The following CFAP300 variants were observed in gnomAD, a reference collection of about 807,000 sequenced individuals.
The protein encoded by CFAP300 is cilia- and flagella-associated protein 300.
Under a neutral mutation model 33.0 loss-of-function variants are expected in CFAP300, and 32 were observed. The ratio of observed to expected loss-of-function variants is 0.97; its 90% CI spans 0.73 to 1.30. The LOEUF (loss-of-function observed/expected upper bound fraction) is 1.30. CFAP300 is among the 50% of genes most tolerant of loss of function. CFAP300 has a pLI of 0.00. For missense variants in CFAP300, 356 were observed against 318.1 expected, an observed-to-expected ratio of 1.12 and a Z score of -0.90; for synonymous variants, 102 against 106.8, an observed-to-expected ratio of 0.95 and a Z score of 0.28.
intron 4 of CFAP300, 108 bp from the exon 5 acceptor site, chr11:102,075,765 T>A (rs1224975138): frequency 1.2e-6 from 1 of 817,014 alleles, no homozygotes; most frequent in African/African-American, 1.7e-5. Context: ...TCAAGATTGG[T>A]TCTTAAAATA....
At chr11:102,072,179 C>T (rs1942322602) in intron 4 of CFAP300, among the ~76,000 whole-genome samples, 1 of 151,314 alleles carries the variant, frequency 6.6e-6, no homozygotes, top group Non-Finnish European at 1.5e-5. Context: ...CATTCTTTTT[C>T]TCTTTTTTTT....
intron 4 of CFAP300, among the ~76,000 whole-genome samples, chr11:102,073,603 C>T (rs1942349134): frequency 6.6e-6 from 1 of 152,160 alleles, no homozygotes; most frequent in African/African-American, 2.4e-5. Context: ...GAAAGCTCAT[C>T]CTGAGGGCAT....
At chr11:102,071,206 A>G (rs1199550753) in intron 4 of CFAP300, among the ~76,000 whole-genome samples, 2 of 152,126 alleles carry the variant, frequency 1.3e-5, no homozygotes, top group African/African-American at 4.8e-5. Context: ...TTATATATTT[A>G]TGTCTGCTGG....
intron 4 of CFAP300, among the ~76,000 whole-genome samples, chr11:102,070,668 A>T (rs2135039657): frequency 6.6e-6 from 1 of 152,002 alleles, no homozygotes; most frequent in Non-Finnish European, 1.5e-5. Flanking sequence ...TACTTTTTTG[A>T]TGTAGGCATT....
In CFAP300 at chr11:102,072,351, C is replaced by A. The variant is rs565155715; in HGVS notation, c.436-3522C>A. Among the ~76,000 whole-genome samples the A allele has an allele frequency of 2.0e-5, 3 of 152,084 alleles. No individual in the cohort carries two copies. The South Asian group carries it at 6.2e-4, about 32-fold the overall frequency. ...TTTGGTGCTTTTTAATGATATCCAT[C>A]TTTTTGGTGAATTTCTCATTCATAT... On this transcript the variant is annotated intron_variant, in intron 4 of 6. Transcript: ENST00000434758.
intron 5 of CFAP300, among the ~76,000 whole-genome samples, chr11:102,079,572 TAC>T (rs1366277997): frequency 6.6e-6 from 1 of 152,160 alleles, no homozygotes; most frequent in Non-Finnish European, 1.5e-5. Context: ...CAACCATACA[TAC>T]ACACACACCG....
intron 3 of CFAP300, among the ~76,000 whole-genome samples, chr11:102,062,975 C>T (rs576386038): frequency 2.0e-4 from 30 of 152,196 alleles, no homozygotes; most frequent in Non-Finnish European, 3.4e-4. Context: ...TGTGAACATG[C>T]GCTATTCTTC....
chr11:102,078,743 C>G (rs1419869715), intron 5 of CFAP300, among the ~76,000 whole-genome samples: 1 of 152,208 alleles, frequency 6.6e-6, no homozygotes, highest in African/African-American at 2.4e-5. Context: ...GAGTCTCACT[C>G]TATCGCCCAG....
chr11:102,075,331 G>T (rs916630487), intron 4 of CFAP300, among the ~76,000 whole-genome samples: 10 of 152,154 alleles, frequency 6.6e-5, no homozygotes, highest in African/African-American at 2.4e-4. Flanking sequence ...AATAGGTGAT[G>T]TGTGAAGTGA....
chr11:102,079,148 T>C (rs993889977), intron 5 of CFAP300, among the ~76,000 whole-genome samples: 1 of 152,242 alleles, frequency 6.6e-6, no homozygotes, highest in Non-Finnish European at 1.5e-5. Context: ...ATAATTTATG[T>C]ATAGTAAAAT....
In CFAP300 at chr11:102,050,882, T is replaced by C. The variant is rs1057494511; in HGVS notation, c.192+2986T>C. Among the ~76,000 whole-genome samples the C allele has an allele frequency of 6.6e-5, 10 of 152,174 alleles. No homozygotes were observed. In the East Asian group the frequency reaches 9.6e-4, roughly 15 times the overall value. On this transcript the variant is annotated intron_variant, in intron 2 of 6. Coordinates refer to ENST00000434758, the MANE Select transcript of CFAP300 (RefSeq NM_032930.3). ...GAAGGAGAAGTTTTTAAGACAGACTTTAAATGTTAAAATATTGAGATCACC... is the reference window on the plus strand; with the variant it reads ...GAAGGAGAAGTTTTTAAGACAGACTCTAAATGTTAAAATATTGAGATCACC...
At chr11:102,057,602 G>C (rs1264958123) in intron 2 of CFAP300, among the ~76,000 whole-genome samples, 1 of 152,140 alleles carries the variant, frequency 6.6e-6, no homozygotes, top group African/African-American at 2.4e-5. Flanking sequence ...CATGCAATTT[G>C]GGAGTAACTT....
chr11:102,081,542 G>T, intron 6 of CFAP300: 1 of 530,554 alleles, frequency 1.9e-6, no homozygotes, highest in Non-Finnish European at 3.3e-6. Flanking sequence ...GACTCAGATA[G>T]AGTAGAACAC....
chr11:102,080,810 T>C (rs1178184576), intron 5 of CFAP300, among the ~76,000 whole-genome samples: 1 of 152,218 alleles, frequency 6.6e-6, no homozygotes, highest in African/African-American at 2.4e-5. Flanking sequence ...TTAATCCTAC[T>C]CAAAGTGAAA....
intron 1 of CFAP300, 40 bp from the exon 2 acceptor site, chr11:102,047,775 G>T (rs1565385552): frequency 3.1e-6 from 5 of 1,605,818 alleles, no homozygotes; most frequent in Non-Finnish European, 4.3e-6. Context: ...CTGAGAGGGT[G>T]CCAGCCCCCA....
At chr11:102,060,591 A>G (rs893818612) in intron 3 of CFAP300, among the ~76,000 whole-genome samples, 1 of 152,190 alleles carries the variant, frequency 6.6e-6, no homozygotes. Context: ...GGAAAAAAAA[A>G]TGAAAGCTAT....
intron 2 of CFAP300, among the ~76,000 whole-genome samples, chr11:102,055,734 A>G (rs891326707): frequency 1.5e-4 from 20 of 137,398 alleles, no homozygotes; most frequent in Non-Finnish European, 2.6e-4. Context: ...GTGCAGTGGC[A>G]CGATCTTGGC....
chr11:102,076,675 A>G (rs1942399716), intron 5 of CFAP300, among the ~76,000 whole-genome samples: 1 of 152,220 alleles, frequency 6.6e-6, no homozygotes, highest in East Asian at 1.9e-4. Flanking sequence ...AAAGCAAAAG[A>G]TCTTAAAAGT....
At chr11:102,079,294 G>T (rs749978755) in intron 5 of CFAP300, among the ~76,000 whole-genome samples, 4 of 152,106 alleles carry the variant, frequency 2.6e-5, no homozygotes, top group Non-Finnish European at 5.9e-5. Context: ...GATTATATAG[G>T]TGTATGCAAA....
Sources: allele counts gnomAD v4.1 joint callset (sites outside exome capture counted in the v4.1 genomes callset), GRCh38; gene constraint gnomAD v4.1.1; transcripts MANE v1.5; gene names NCBI Gene and HGNC (gene_info 2026-07-23, HGNC 2026-07-21).